COA8: variants seen among roughly 807,000 people sequenced by gnomAD.
COA8 encodes cytochrome c oxidase assembly factor 8, also known as UPF0671 protein C14orf153.
In COA8, 20 loss-of-function variants were observed where a neutral mutation model predicts 22.0. The observed-to-expected ratio is 0.91, with a 90% confidence interval of 0.64 to 1.32. The LOEUF (loss-of-function observed/expected upper bound fraction) is 1.32, where lower values mean the gene tolerates loss of function less well. Ranked by LOEUF, COA8 falls within the 40% of genes most tolerant of loss-of-function variation. COA8 has a pLI of 0.00. For synonymous variants in COA8, 105 were observed against 79.9 expected (o/e 1.31, Z -1.68); for missense variants, 266 against 230.0 (o/e 1.16, Z -1.01).
rs1464631361 is a variant in COA8, at chr14:103,581,876, G to C, written c.386-5398G>C. On this transcript the variant is annotated intron_variant, in intron 3 of 4. Transcript: ENST00000409074. This position sits in a 1 kb window ranked among gnomAD's most constrained non-coding sequence, Gnocchi z 4.1. The stretch of plus-strand genomic sequence containing the variant: ...CTTGTGCTGTGCCGTCTGAGTGTTT[G>C]TTTCTGTCTGTGGGAATAAAGGGGT... 3.9e-5 allele frequency among the ~76,000 whole-genome samples: 6 copies of C among 152,210 alleles called. No individual in the cohort carries two copies. The highest frequency in any genetic ancestry group is 8.8e-5 in the Non-Finnish European group (6 of 68,034).
At chr14:103,568,434 T>C (rs2076151368) in intron 1 of COA8, among the ~76,000 whole-genome samples, 1 of 151,134 alleles carries the variant, frequency 6.6e-6, no homozygotes, top group Non-Finnish European at 1.5e-5. Flanking sequence ...GAGATATGTA[T>C]ATATATATAT....
At chr14:103,586,539 T>G (rs2076308437) in intron 3 of COA8, among the ~76,000 whole-genome samples, 1 of 151,898 alleles carries the variant, frequency 6.6e-6, no homozygotes, top group South Asian at 2.1e-4. Context: ...GATGAGGTTT[T>G]ACCATGTTGG....
chr14:103,583,691 C>A (rs1195419215), intron 3 of COA8, among the ~76,000 whole-genome samples: 1 of 151,980 alleles, frequency 6.6e-6, no homozygotes, highest in Non-Finnish European at 1.5e-5. Flanking sequence ...ACTTGGAGTT[C>A]ATGTCTGATG....
At chr14:103,574,533 GGTGTCAGT>G in intron 3 of COA8, 1 of 466,004 alleles carries the variant, frequency 2.1e-6, no homozygotes, top group African/African-American at 2.0e-5. Context: ...ATTTTCTCCT[GGTGTCAGT>G]GTTAGGCCTG....
At position 103,571,658 on chromosome 14, in the gene COA8, T is replaced by C. The variant is rs776513350; in HGVS notation, c.159T>C (p.His53=). The C allele has an allele frequency of 1.9e-6, 3 of 1,614,232 alleles. No homozygotes were observed. Among genetic ancestry groups the C allele is most frequent in the Admixed American group, 1.7e-5 (1 of 60,028 alleles). Residue 53 remains histidine (H), a synonymous_variant, in exon 2 of 5, where the codon CAT becomes CAC. Coordinates refer to ENST00000409074, the MANE Select transcript of COA8 (RefSeq NM_001370595.2). The part of the protein sequence containing the change: ...SRFCPPRKSC[H]DWIGPPDKYS... ...TCTGCCCTCCAAGAAAGTCTTGCCATGATTGGATAGGACCCCCAGATAAAT... is the reference window on the plus strand; with the variant it reads ...TCTGCCCTCCAAGAAAGTCTTGCCACGATTGGATAGGACCCCCAGATAAAT...
rs751077462 is a variant in COA8 at position 103,563,021 on chromosome 14, GGAA to G, written c.26_28del (p.Lys9del). 3.2e-6 allele frequency: 5 copies of G among 1,557,364 alleles called. No individual in the cohort carries two copies. The Admixed American group carries it at 5.5e-5, about 17-fold the overall frequency. On this transcript the variant is annotated inframe_deletion, in exon 1 of 5. Coordinates refer to ENST00000409074, the MANE Select transcript of COA8 (RefSeq NM_001370595.2). Reference sequence around the variant, plus strand: ...GGGGCCATGGTGGTCTTGCGGGCGGGGAAGAAGACCTTTCTCCCCCCTCTCTGC... The same window carrying G: ...GGGGCCATGGTGGTCTTGCGGGCGGGGAAGACCTTTCTCCCCCCTCTCTGC...
Position 103,571,725 on chromosome 14 carries a change from G to T in COA8, c.226G>T (p.Glu76Ter). 1 of 1,614,150 alleles carries T rather than the reference G, an allele frequency of 6.2e-7. No homozygotes were observed. The highest frequency in any genetic ancestry group is 8.5e-7 in the Non-Finnish European group (1 of 1,180,004). ...RPVHFYIPEN[E>*]SPLEQKLRKL... ...TGTTCACTTTTACATACCTGAAAAT[G>T]AATCTCCATTGGAACAAAAGCTTAG... The change falls in exon 2 of 5, where the codon GAA becomes TAA. Residue 76 changes from glutamate (E) to a stop codon, truncating the protein, a stop_gained. Coordinates refer to ENST00000409074, the MANE Select transcript of COA8 (RefSeq NM_001370595.2). LOFTEE classifies it high-confidence loss of function.
rs148039712 is a variant in COA8 at position 103,570,365 on chromosome 14, A to G, written c.124-1258A>G. On this transcript the variant is annotated intron_variant, in intron 1 of 4. Coordinates refer to ENST00000409074, the MANE Select transcript of COA8 (RefSeq NM_001370595.2). ...TCTTGAATAGCAGGGTCCCCCCACT[A>G]TAACTCCCTGACAGTTCTTCTTGCC... 5.5e-4 allele frequency among the ~76,000 whole-genome samples: 84 copies of G among 152,288 alleles called. No homozygotes were observed. In the East Asian group the frequency reaches 0.016, roughly 29 times the overall value.
intron 1 of COA8, chr14:103,567,649 G>T (rs1403411402): frequency 6.6e-6 from 1 of 152,616 alleles, no homozygotes; most frequent in Non-Finnish European, 1.5e-5. Context: ...GCTTCCCAAG[G>T]TGCTGGGATT....
At chr14:103,577,067 A>G (rs1248181539) in intron 3 of COA8, among the ~76,000 whole-genome samples, 1 of 152,180 alleles carries the variant, frequency 6.6e-6, no homozygotes, top group East Asian at 1.9e-4. Flanking sequence ...TAAATTTTAC[A>G]AGGCATATTT....
chr14:103,563,042 CT>C lies in COA8; in HGVS notation c.42del (p.Leu15SerfsTer42), dbSNP rs1258250777. 1 of 1,543,218 alleles carries C rather than the reference CT, an allele frequency of 6.5e-7. No homozygotes were observed. Among genetic ancestry groups the C allele is most frequent in the Non-Finnish European group, 8.7e-7 (1 of 1,149,984 alleles). ...GCGGGGAAGAAGACCTTTCTCCCCC[CT>C]CTCTGCCGCGCCTTCGCCTGCCGCG... ...LRAGKKTFLP[P>X]LCRAFACRGC... On this transcript the variant is annotated frameshift_variant, in exon 1 of 5. Transcript: ENST00000409074. LOFTEE classifies it high-confidence loss of function.
chr14:103,578,247 C>T (rs1326173976), intron 3 of COA8, among the ~76,000 whole-genome samples: 2 of 151,968 alleles, frequency 1.3e-5, no homozygotes, highest in Non-Finnish European at 2.9e-5. Flanking sequence ...GTGTTCCTTG[C>T]AGCACAATCT....
chr14:103,585,891 T>A (rs1033151262), intron 3 of COA8, among the ~76,000 whole-genome samples: 1 of 150,224 alleles, frequency 6.7e-6, no homozygotes, highest in African/African-American at 2.5e-5. Flanking sequence ...TTTTTGTTGT[T>A]TTTTGTTTTT....
intron 3 of COA8, among the ~76,000 whole-genome samples, chr14:103,586,073 G>C (rs573957103): frequency 1.3e-5 from 2 of 150,624 alleles, no homozygotes; most frequent in African/African-American, 2.4e-5. Context: ...GCTAATTTTT[G>C]TATTTTTAGT....
chr14:103,563,450 C>T (rs1191989346), intron 1 of COA8: 18 of 454,514 alleles, frequency 4.0e-5, no homozygotes, highest in Non-Finnish European at 7.4e-5. Flanking sequence ...CTTGGCTTAC[C>T]GTGCGTTTTT....
chr14:103,563,396 CT>C (rs1566975727), intron 1 of COA8: 1 of 606,972 alleles, frequency 1.6e-6, no homozygotes, highest in Non-Finnish European at 3.0e-6. Context: ...TTGTACCTAC[CT>C]TATTTGTTCC....
Position 103,581,505 on chromosome 14 carries a change from A to G in COA8, c.386-5769A>G. ...TGGGAGGTTTCATCACGCTACTCAGAACAGCATGCAGTTCAAAACTTATGA... is the reference window on the plus strand; with the variant it reads ...TGGGAGGTTTCATCACGCTACTCAGGACAGCATGCAGTTCAAAACTTATGA... On this transcript the variant is annotated intron_variant, in intron 3 of 4. Coordinates refer to ENST00000409074, the MANE Select transcript of COA8 (RefSeq NM_001370595.2). The surrounding 1 kb of genome is among the most constrained non-coding windows in gnomAD (Gnocchi z 4.1). 1 of 397,442 alleles carries G rather than the reference A, an allele frequency of 2.5e-6. No homozygotes were observed. Among genetic ancestry groups the G allele is most frequent in the South Asian group, 1.3e-4 (1 of 7,626 alleles). 24.6% of individuals were successfully genotyped at this position (397,442 alleles called of 1,614,324 possible).
intron 1 of COA8, among the ~76,000 whole-genome samples, chr14:103,570,824 A>G (rs2142282426): frequency 6.6e-6 from 1 of 152,330 alleles, no homozygotes; most frequent in Non-Finnish European, 1.5e-5. Flanking sequence ...TCTGGGGGCT[A>G]GATTTTTTCA....
At chr14:103,564,469 A>G (rs1360770756) in intron 1 of COA8, among the ~76,000 whole-genome samples, 2 of 150,756 alleles carry the variant, frequency 1.3e-5, no homozygotes, top group South Asian at 4.2e-4. Context: ...CAACCAAGAC[A>G]TTTCCCGGGC....
Sources: gnomAD v4.1 joint callset for allele counts (sites outside exome capture counted in the v4.1 genomes callset) on GRCh38, gnomAD v4.1.1 for gene constraint, Gnocchi (gnomAD v3.1) non-coding constraint, MANE v1.5 for transcripts, NCBI Gene and HGNC (gene_info 2026-07-23, HGNC 2026-07-21) for gene names.